RAB43: variants seen among roughly 807,000 people sequenced by gnomAD.
RAB43 encodes the protein ras-related protein Rab-43.
In RAB43, 6 loss-of-function variants were observed where a neutral mutation model predicts 18.8. The observed-to-expected ratio is 0.32, with a 90% CI of 0.17 to 0.63. The LOEUF is 0.63. Ranked by LOEUF, RAB43 falls within the 30% of genes least tolerant of loss-of-function variation. The pLI, the probability that RAB43 is intolerant of heterozygous loss-of-function variation, is 0.79. For synonymous variants in RAB43, 103 were observed against 124.1 expected, an observed-to-expected ratio of 0.83 and a Z score of 1.13; for missense variants, 195 against 289.1, an observed-to-expected ratio of 0.67 and a Z score of 2.36.
intron 2 of RAB43, among the ~76,000 whole-genome samples, chr3:129,091,579 G>T (rs549848684): frequency 1.4e-4 from 22 of 152,280 alleles, no homozygotes; most frequent in Admixed American, 2.6e-4. Context: ...TTGAGCCCAG[G>T]AATTCAAGAC....
At chr3:129,094,065 C>T (rs548197088) in intron 2 of RAB43, among the ~76,000 whole-genome samples, 1 of 152,362 alleles carries the variant, frequency 6.6e-6, no homozygotes, top group South Asian at 2.1e-4. Context: ...CCTTCCACAG[C>T]AGCAGTTCTC....
At chr3:129,103,117 G>C (rs1380943757) in intron 1 of RAB43, among the ~76,000 whole-genome samples, 1 of 152,214 alleles carries the variant, frequency 6.6e-6, no homozygotes, top group East Asian at 1.9e-4. Context: ...ACTCGGCCAA[G>C]GCATCCCAAC....
At chr3:129,094,232 G>A (rs779852020) in intron 2 of RAB43, among the ~76,000 whole-genome samples, 13 of 152,274 alleles carry the variant, frequency 8.5e-5, no homozygotes, top group South Asian at 2.1e-4. Flanking sequence ...TCTGAGGCAC[G>A]GAAGCCATCA....
chr3:129,110,248 TACTAGA>T (rs1935069962), intron 1 of RAB43, among the ~76,000 whole-genome samples: 1 of 152,162 alleles, frequency 6.6e-6, no homozygotes, highest in South Asian at 2.1e-4. Flanking sequence ...ATTTCCAACT[TACTAGA>T]AGGCAACGTG....
chr3:129,114,899 A>G (rs1395224796), intron 1 of RAB43, among the ~76,000 whole-genome samples: 1 of 152,154 alleles, frequency 6.6e-6, no homozygotes, highest in East Asian at 1.9e-4. Context: ...CTTTACTGAT[A>G]GGACAACAGG....
chr3:129,121,192 G>T, intron 1 of RAB43, 94 bp downstream of exon 1: 1 of 1,148,388 alleles, frequency 8.7e-7, no homozygotes. Context: ...AACTTCAGAT[G>T]GACGCGGGGT....
intron 1 of RAB43, among the ~76,000 whole-genome samples, chr3:129,106,580 C>G (rs560903357): frequency 1.3e-5 from 2 of 152,324 alleles, no homozygotes; most frequent in African/African-American, 4.8e-5. Flanking sequence ...ACACAGCCTG[C>G]CACCATCTGG....
At chr3:129,114,101 A>G (rs1935344693) in intron 1 of RAB43, among the ~76,000 whole-genome samples, 1 of 152,176 alleles carries the variant, frequency 6.6e-6, no homozygotes, top group African/African-American at 2.4e-5. Context: ...CATCAACAAT[A>G]AAACAGCATT....
At position 129,091,485 on chromosome 3, in the gene RAB43, T is replaced by A. The variant is rs542393620; in HGVS notation, c.389-139A>T. On this transcript the variant is annotated intron_variant, in intron 2 of 2. Coordinates refer to ENST00000315150, the MANE Select transcript of RAB43 (RefSeq NM_198490.3). ...CACCCCTGGCATGGTCATCTGTCTT[T>A]CTTTAAAAAACCTTTTTTAGGCCGG... is the stretch of plus-strand genomic sequence containing the variant. 5.8e-6 allele frequency: 7 copies of A among 1,216,622 alleles called. No homozygotes were observed. In the South Asian group the frequency reaches 9.7e-5, roughly 17 times the overall value. 75.4% of individuals were successfully genotyped at this position (1,216,622 alleles called of 1,614,324 possible).
rs138368042 is a variant in RAB43, at chr3:129,119,813, C to T, written c.204+1473G>A. Among the ~76,000 whole-genome samples, 1,089 of 152,288 alleles carry T rather than the reference C, an allele frequency of 7.2e-3. 7 individuals carry two copies. The highest frequency in any genetic ancestry group is 0.02 in the African/African-American group (823 of 41,544). ...GGAACCCTGCCCCCTCCCTGACCACCGTCAGCACTGGGCCACCACAGACAC... is the reference window on the plus strand; with the variant it reads ...GGAACCCTGCCCCCTCCCTGACCACTGTCAGCACTGGGCCACCACAGACAC... On this transcript the variant is annotated intron_variant, in intron 1 of 2. Transcript: ENST00000315150.
At chr3:129,104,275 C>T (rs1464396640) in intron 1 of RAB43, among the ~76,000 whole-genome samples, 1 of 152,128 alleles carries the variant, frequency 6.6e-6, no homozygotes, top group African/African-American at 2.4e-5. Flanking sequence ...TTCTCTATCC[C>T]CCACCCCCAA....
In RAB43 at chr3:129,091,242, C is replaced by T. The variant is rs777585377; in HGVS notation, c.493G>A (p.Asp165Asn). 6.3e-6 allele frequency: 10 copies of T among 1,594,530 alleles called. No individual in the cohort carries two copies. The highest frequency in any genetic ancestry group is 7.7e-6 in the Non-Finnish European group (9 of 1,169,548). Reference sequence around the variant, plus strand: ...AAGGCCTCCTCCACGTTGCTCGAGTCCTTGGCAGACGTCTCAATGGCACAC... The same window carrying T: ...AAGGCCTCCTCCACGTTGCTCGAGTTCTTGGCAGACGTCTCAATGGCACAC... ...ILCAIETSAK[D>N]SSNVEEAFLR... Residue 165 changes from aspartate (D) to asparagine (N), a missense_variant, in exon 3 of 3, where the codon GAC becomes AAC. Asp to Asn is a conservative substitution (Grantham distance 23). Transcript: ENST00000315150.
chr3:129,118,787 A>T (rs562361087), intron 1 of RAB43, among the ~76,000 whole-genome samples: 1 of 152,280 alleles, frequency 6.6e-6, no homozygotes, highest in East Asian at 1.9e-4. Context: ...TCGGCCTCCC[A>T]AAGTGCTGGG....
Position 129,091,157 on chromosome 3 carries a change from C to G in RAB43, c.578G>C (p.Ser193Thr), listed in dbSNP as rs756289617. ...RHGGPLFSEK[S>T]PDHIQLNSKD... Reference sequence around the variant, plus strand: ...GCTGTTCAGCTGGATGTGGTCGGGGCTCTTCTCGCTGAACAAGGGGCCCCC... The same window carrying G: ...GCTGTTCAGCTGGATGTGGTCGGGGGTCTTCTCGCTGAACAAGGGGCCCCC... Residue 193 changes from serine to threonine, a missense_variant, in exon 3 of 3, where the codon AGC (serine) becomes ACC (threonine). Ser to Thr is a moderately conservative substitution (Grantham distance 58). Transcript: ENST00000315150. 1.9e-6 allele frequency: 3 copies of G among 1,574,422 alleles called. No individual in the cohort carries two copies. The highest frequency in any genetic ancestry group is 1.7e-6 in the Non-Finnish European group (2 of 1,156,080).
In RAB43 at chr3:129,094,505, C is replaced by CTTTTTTTTTTTT. The variant is rs200896936; in HGVS notation, c.388+469_388+480dup. 1.4e-4 allele frequency among the ~76,000 whole-genome samples: 10 copies of CTTTTTTTTTTTT among 69,150 alleles called. 2 individuals are homozygous for CTTTTTTTTTTTT. Among genetic ancestry groups the CTTTTTTTTTTTT allele is most frequent in the Admixed American group, 2.6e-4 (1 of 3,826 alleles). 45.4% of individuals were successfully genotyped at this position (69,150 alleles called of 152,430 possible). On this transcript the variant is annotated intron_variant, in intron 2 of 2. Coordinates refer to ENST00000315150, the MANE Select transcript of RAB43 (RefSeq NM_198490.3). The stretch of plus-strand genomic sequence containing the variant: ...TAATTCCAATTTTGAATATAACTTT[C>CTTTTTTTTTTTT]TTTTTTTTTTTTTTTTTTTTTTTTT...
rs1933437224 is a variant in RAB43 at position 129,087,799 on chromosome 3, G to T, written c.*3297C>A. 1 of 150,176 alleles carries T rather than the reference G, an allele frequency of 6.7e-6. No homozygotes were observed. Among genetic ancestry groups the T allele is most frequent in the East Asian group, 2.0e-4 (1 of 5,104 alleles). 9.3% of individuals were successfully genotyped at this position (150,176 alleles called of 1,614,324 possible). On this transcript the variant is annotated 3_prime_UTR_variant, in exon 3 of 3. Transcript: ENST00000315150. ...CTGCAGGGGTCCGAGGGTCTCTGCT[G>T]GAGGAGGCCCCAACTCCGGCAGCCT...
At chr3:129,108,636 C>T (rs574986129) in intron 1 of RAB43, among the ~76,000 whole-genome samples, 1 of 152,166 alleles carries the variant, frequency 6.6e-6, no homozygotes, top group South Asian at 2.1e-4. Flanking sequence ...AATTCTCAGC[C>T]AACAACCATA....
At chr3:129,117,766 C>T (rs946435723) in intron 1 of RAB43, among the ~76,000 whole-genome samples, 1 of 152,154 alleles carries the variant, frequency 6.6e-6, no homozygotes. Context: ...GAAGGGTGGT[C>T]AAGTAAAAAT....
At position 129,107,194 on chromosome 3, in the gene RAB43, G is replaced by A. The variant is rs543440841; in HGVS notation, c.205-12025C>T. Among the ~76,000 whole-genome samples, 1 of 152,300 alleles carries A rather than the reference G, an allele frequency of 6.6e-6. No individual in the cohort carries two copies. The highest frequency in any genetic ancestry group is 2.1e-4 in the South Asian group (1 of 4,828). On this transcript the variant is annotated intron_variant, in intron 1 of 2. Coordinates refer to ENST00000315150, the MANE Select transcript of RAB43 (RefSeq NM_198490.3). This position sits in a 1 kb window ranked among gnomAD's most constrained non-coding sequence, Gnocchi z 4.2. ...TCACAGGAATGAAGCATCAGCAGAGGTCTGTCTGACTCCGAAGCCTGGTGT... is the reference window on the plus strand; with the variant it reads ...TCACAGGAATGAAGCATCAGCAGAGATCTGTCTGACTCCGAAGCCTGGTGT...
Sources: gnomAD v4.1 joint callset for allele counts (sites outside exome capture counted in the v4.1 genomes callset) on GRCh38, gnomAD v4.1.1 for gene constraint, Gnocchi (gnomAD v3.1) non-coding constraint, MANE v1.5 for transcripts, NCBI Gene and HGNC (gene_info 2026-07-23, HGNC 2026-07-21) for gene names.